Variants in FCHSD2 observed in about 807,000 individuals in gnomAD.
The protein encoded by FCHSD2 is F-BAR and double SH3 domains protein 2.
In FCHSD2, 38 loss-of-function variants were observed where a neutral mutation model predicts 108.1. That is an observed-to-expected ratio of 0.35 (90% CI 0.27 to 0.46). The LOEUF is 0.46. FCHSD2 is among the 20% of genes least tolerant of loss of function. FCHSD2 has a pLI of 1.00. For synonymous variants in FCHSD2, 279 were observed against 314.7 expected (o/e 0.89, Z 1.20); for missense variants, 751 against 897.8 (o/e 0.84, Z 2.09).
intron 8 of FCHSD2, chr11:72,940,765 A>G: frequency 1.2e-6 from 1 of 852,430 alleles, no homozygotes; most frequent in Non-Finnish European, 2.0e-6. Flanking sequence ...TCATGGTGTT[A>G]ATCAGCTAAA....
intron 13 of FCHSD2, among the ~76,000 whole-genome samples, chr11:72,865,644 A>G (rs1854703943): frequency 6.6e-6 from 1 of 152,078 alleles, no homozygotes; most frequent in Non-Finnish European, 1.5e-5. Context: ...GACTATCTCA[A>G]ATGACATATC....
At chr11:72,950,325 C>T (rs1022272211) in intron 8 of FCHSD2, among the ~76,000 whole-genome samples, 3 of 152,076 alleles carry the variant, frequency 2.0e-5, no homozygotes, top group African/African-American at 7.2e-5. Flanking sequence ...CTTTGATACA[C>T]AAAAGTTTTT....
At chr11:72,842,026 C>A (rs960078015) in intron 17 of FCHSD2, among the ~76,000 whole-genome samples, 14 of 152,188 alleles carry the variant, frequency 9.2e-5, no homozygotes, top group Non-Finnish European at 1.3e-4. Flanking sequence ...CAAACAAGAT[C>A]GGCAAACACG....
intron 3 of FCHSD2, among the ~76,000 whole-genome samples, chr11:73,026,256 G>A (rs1053071963): frequency 2.0e-5 from 3 of 152,056 alleles, no homozygotes; most frequent in African/African-American, 7.2e-5. Context: ...AGGGTTACAG[G>A]CATAAGCCAC....
At position 72,840,893 on chromosome 11, in the gene FCHSD2, T is replaced by C. The variant is rs751834736; in HGVS notation, c.2123A>G (p.Tyr708Cys). 4 of 1,612,098 alleles carry C rather than the reference T, an allele frequency of 2.5e-6. No homozygotes were observed. Among genetic ancestry groups the C allele is most frequent in the Non-Finnish European group, 3.4e-6 (4 of 1,178,214 alleles). The change falls in exon 19 of 20, where the codon TAT becomes TGT. Residue 708 changes from tyrosine (Y) to cysteine (C), a missense_variant. Physicochemically the swap from Tyr to Cys is radical, Grantham distance 194. Transcript: ENST00000409418. ...QASRHTPETSYGKLRPVRAAP... is the reference protein window; with the variant it reads ...QASRHTPETSCGKLRPVRAAP... ...GAGACTTACAGGTCGCAGTTTGCCA[T>C]ATGAGGTCTCAGGAGTATGCCTTGA...
At chr11:72,907,317 C>T (rs1245391612) in intron 9 of FCHSD2, among the ~76,000 whole-genome samples, 1 of 152,116 alleles carries the variant, frequency 6.6e-6, no homozygotes, top group Non-Finnish European at 1.5e-5. Context: ...TAATTGAATA[C>T]CCTTTATTTC....
At chr11:73,076,634 G>T (rs1333345427) in intron 3 of FCHSD2, among the ~76,000 whole-genome samples, 3 of 152,158 alleles carry the variant, frequency 2.0e-5, no homozygotes, top group Non-Finnish European at 4.4e-5. Context: ...AACTTTGTAT[G>T]TTTGCTAAAA....
intron 9 of FCHSD2, among the ~76,000 whole-genome samples, chr11:72,919,970 A>G (rs1171800723): frequency 6.6e-6 from 1 of 152,146 alleles, no homozygotes; most frequent in African/African-American, 2.4e-5. Context: ...AAAGCCCTAC[A>G]TATCACAGAA....
chr11:72,894,726 A>G (rs540928209), intron 10 of FCHSD2, among the ~76,000 whole-genome samples: 12 of 152,320 alleles, frequency 7.9e-5, no homozygotes, highest in East Asian at 1.9e-4. Context: ...CTGAAAAAGA[A>G]TAAGTATTTT....
In FCHSD2 at chr11:73,061,657, G is replaced by A. The variant is rs187669352; in HGVS notation, c.165+22038C>T. 1.7e-3 allele frequency among the ~76,000 whole-genome samples: 266 copies of A among 152,316 alleles called. 3 individuals are homozygous for A. The highest frequency in any genetic ancestry group is 3.4e-3 in the Middle Eastern group (1 of 294). ...GACGTCCGCCATTGCTGAGGCTTGA[G>A]TAGGGTGGTTTTATGCTCACAGTAT... On this transcript the variant is annotated intron_variant, in intron 3 of 19. Transcript: ENST00000409418.
At chr11:72,965,078 C>T (rs112011198) in intron 8 of FCHSD2, among the ~76,000 whole-genome samples, 5 of 152,230 alleles carry the variant, frequency 3.3e-5, no homozygotes, top group African/African-American at 9.6e-5. Flanking sequence ...CATGAGCCAC[C>T]GCGCCTGGCC....
intron 3 of FCHSD2, among the ~76,000 whole-genome samples, chr11:73,017,267 C>A (rs1857994635): frequency 6.6e-6 from 1 of 152,178 alleles, no homozygotes; most frequent in Admixed American, 6.5e-5. Context: ...GTATGAGTCA[C>A]CAAACCTGGC....
At chr11:72,899,789 A>G (rs1232079232) in intron 10 of FCHSD2, among the ~76,000 whole-genome samples, 3 of 150,194 alleles carry the variant, frequency 2.0e-5, no homozygotes, top group African/African-American at 7.3e-5. Context: ...GTCTGGAATG[A>G]TTTTTTAAAA....
At chr11:72,871,753 ATTTTT>A (rs35295400) in intron 12 of FCHSD2, among the ~76,000 whole-genome samples, 1 of 132,850 alleles carries the variant, frequency 7.5e-6, no homozygotes, top group African/African-American at 2.8e-5. Context: ...TTGGTACATA[ATTTTT>A]TTTTTTTTTT....
intron 3 of FCHSD2, among the ~76,000 whole-genome samples, chr11:73,039,978 G>C (rs1858595546): frequency 6.6e-6 from 1 of 152,122 alleles, no homozygotes; most frequent in South Asian, 2.1e-4. Flanking sequence ...GAAATACATA[G>C]TTGTGCCAGT....
intron 14 of FCHSD2, among the ~76,000 whole-genome samples, chr11:72,847,209 G>C (rs1010372772): frequency 6.6e-6 from 1 of 152,120 alleles, no homozygotes; most frequent in Non-Finnish European, 1.5e-5. Context: ...TGTTGCCCAG[G>C]CTGGTCTCAA....
At chr11:73,070,246 C>A (rs1049254169) in intron 3 of FCHSD2, among the ~76,000 whole-genome samples, 4 of 152,120 alleles carry the variant, frequency 2.6e-5, no homozygotes, top group Non-Finnish European at 5.9e-5. Flanking sequence ...CTATTTCTAA[C>A]AAGCCTCTTA....
At chr11:72,975,059 C>T (rs943418255) in intron 8 of FCHSD2, among the ~76,000 whole-genome samples, 2 of 151,998 alleles carry the variant, frequency 1.3e-5, no homozygotes, top group South Asian at 2.1e-4. Context: ...CCAGAAAAAC[C>T]GAAAAAGAAC....
intron 8 of FCHSD2, among the ~76,000 whole-genome samples, chr11:72,949,170 C>T (rs1041137276): frequency 5.9e-5 from 9 of 151,884 alleles, no homozygotes; most frequent in African/African-American, 9.7e-5. Flanking sequence ...GAAACCTGGC[C>T]GGGCGTGGTG....
Sources: gnomAD v4.1 joint callset for allele counts (sites outside exome capture counted in the v4.1 genomes callset) on GRCh38, gnomAD v4.1.1 for gene constraint, MANE v1.5 for transcripts, NCBI Gene and HGNC (gene_info 2026-07-23, HGNC 2026-07-21) for gene names.